DOCK7: variants seen among roughly 807,000 people sequenced by gnomAD.
The protein encoded by DOCK7 is dedicator of cytokinesis 7.
A neutral mutation model predicts 271.0 loss-of-function variants in DOCK7; 138 were observed. That is an observed-to-expected ratio of 0.51 (90% CI 0.44 to 0.59). DOCK7 has a LOEUF of 0.59. Ranked by LOEUF, DOCK7 falls within the 20% of genes least tolerant of loss-of-function variation. The pLI, the probability that DOCK7 is intolerant of heterozygous loss-of-function variation, is 0.00. For missense variants in DOCK7, 2,066 were observed against 2,592.4 expected, an observed-to-expected ratio of 0.80 and a Z score of 4.41; for synonymous variants, 823 against 876.1, an observed-to-expected ratio of 0.94 and a Z score of 1.07.
intron 8 of DOCK7, among the ~76,000 whole-genome samples, chr1:62,635,934 T>C (rs1229092576): frequency 6.6e-6 from 1 of 152,132 alleles, no homozygotes; most frequent in African/African-American, 2.4e-5. Flanking sequence ...AAGTTTCTAC[T>C]ACATATTAGT....
At chr1:62,653,878 G>A (rs533432047) in intron 3 of DOCK7, 85 bp from the exon 4 acceptor site, 64 of 1,478,346 alleles carry the variant, frequency 4.3e-5, no homozygotes, top group South Asian at 7.1e-5. Context: ...CGCTGTTTGC[G>A]TAACAGGAAA....
intron 30 of DOCK7, among the ~76,000 whole-genome samples, chr1:62,528,936 G>A (rs1645094219): frequency 6.6e-6 from 1 of 152,074 alleles, no homozygotes; most frequent in African/African-American, 2.4e-5. Flanking sequence ...TTATATATAT[G>A]AATCAAGTCA....
rs1250165118 is a variant in DOCK7 at position 62,475,795 on chromosome 1, T to C, written c.5873A>G (p.His1958Arg). 3 of 1,613,968 alleles carry C rather than the reference T, an allele frequency of 1.9e-6. No homozygotes were observed. Among genetic ancestry groups the C allele is most frequent in the Non-Finnish European group, 2.5e-6 (3 of 1,179,954 alleles). The change falls in exon 46 of 50, where the codon CAT becomes CGT. Residue 1958 changes from histidine to arginine, a missense_variant. This residue lies in a region of DOCK7 where 652 missense variants were observed against 922.1 expected (regional missense o/e 0.71). Coordinates refer to ENST00000635253, the MANE Select transcript of DOCK7 (RefSeq NM_001367561.1). ...AATGGTCTTCCTTTTGAATTGTTCA[T>C]GAAGTTCCCCATGGGCACGGCCATC... ...TLDGRAHGEL[H>R]EQFKRKTILT...
intron 2 of DOCK7, among the ~76,000 whole-genome samples, chr1:62,654,480 C>A (rs1409901483): frequency 1.3e-5 from 2 of 151,762 alleles, no homozygotes; most frequent in African/African-American, 4.8e-5. Context: ...ATTATTTTTG[C>A]TTTTTTATAT....
At chr1:62,535,192 C>T (rs915830164) in intron 29 of DOCK7, among the ~76,000 whole-genome samples, 4 of 152,120 alleles carry the variant, frequency 2.6e-5, no homozygotes, top group Admixed American at 2.0e-4. Context: ...AATCTATCTA[C>T]TAATATGCAT....
intron 16 of DOCK7, among the ~76,000 whole-genome samples, 167 bp from the exon 17 acceptor site, chr1:62,579,133 C>T (rs1431525629): frequency 1.3e-5 from 2 of 151,946 alleles, no homozygotes; most frequent in East Asian, 3.8e-4. Context: ...ATCTTACTTC[C>T]ATATAAGAGA....
intron 4 of DOCK7, among the ~76,000 whole-genome samples, chr1:62,650,915 T>C (rs1298606438): frequency 6.6e-6 from 1 of 152,130 alleles, no homozygotes. Flanking sequence ...GAACTAGAAA[T>C]ACTATTTGAC....
Position 62,654,080 on chromosome 1 carries a change from G to C in DOCK7, c.224C>G (p.Pro75Arg). 6.2e-7 allele frequency: 1 copy of C among 1,613,932 alleles called. No homozygotes were observed. The highest frequency in any genetic ancestry group is 8.5e-7 in the Non-Finnish European group (1 of 1,179,928). The change falls in exon 3 of 50, where the codon CCT (proline) becomes CGT (arginine). Residue 75 changes from proline (P) to arginine (R), a missense_variant. Coordinates refer to ENST00000635253, the MANE Select transcript of DOCK7 (RefSeq NM_001367561.1). The part of the protein sequence containing the change: ...ITHPLAVDSG[P>R]LRDLIEFPPD... ...AGGAAATTCAATCAAATCCCGTAAA[G>C]GCCCAGAATCCACAGCCAAAGGATG...
At chr1:62,672,587 A>C (rs1051962228) in intron 1 of DOCK7, among the ~76,000 whole-genome samples, 2 of 152,096 alleles carry the variant, frequency 1.3e-5, no homozygotes, top group Admixed American at 6.5e-5. Flanking sequence ...CCTTTAAACT[A>C]TTTCCAGTTT....
At chr1:62,664,641 T>C (rs1226906700) in intron 1 of DOCK7, among the ~76,000 whole-genome samples, 1 of 152,156 alleles carries the variant, frequency 6.6e-6, no homozygotes. Flanking sequence ...GCTCATCAAT[T>C]ATAACAAATG....
chr1:62,469,469 T>C (rs981179398), intron 48 of DOCK7, among the ~76,000 whole-genome samples: 2 of 152,090 alleles, frequency 1.3e-5, no homozygotes, highest in African/African-American at 2.4e-5. Context: ...AACTAGAAGA[T>C]AGCATTGGAA....
intron 7 of DOCK7, chr1:62,641,427 C>CAAAGCA: frequency 2.5e-6 from 1 of 402,088 alleles, no homozygotes; most frequent in South Asian, 1.8e-5. Context: ...TTGAGGTGGT[C>CAAAGCA]CAAAGCAGCC....
intron 1 of DOCK7, among the ~76,000 whole-genome samples, chr1:62,684,745 G>A (rs1661544992): frequency 6.6e-6 from 1 of 152,182 alleles, no homozygotes; most frequent in African/African-American, 2.4e-5. Context: ...GGACACACAT[G>A]TACAAAGACA....
In DOCK7 at chr1:62,639,594, C is replaced by T. The variant is rs139924819; in HGVS notation, c.819-2991G>A. On this transcript the variant is annotated intron_variant, in intron 7 of 49. Coordinates refer to ENST00000635253, the MANE Select transcript of DOCK7 (RefSeq NM_001367561.1). Reference sequence around the variant, plus strand: ...GGATTACAGGCGCATGCCACCACACCCAGCCAATTTTTTGTATTTTTAGTA... The same window carrying T: ...GGATTACAGGCGCATGCCACCACACTCAGCCAATTTTTTGTATTTTTAGTA... 5.1e-4 allele frequency among the ~76,000 whole-genome samples: 78 copies of T among 151,930 alleles called. 1 individual carries two copies. The East Asian group carries it at 0.013, about 26-fold the overall frequency.
chr1:62,485,839 G>A (rs777486665), intron 43 of DOCK7: 8 of 348,334 alleles, frequency 2.3e-5, no homozygotes, highest in Non-Finnish European at 2.8e-5. Context: ...AAAAACAAAC[G>A]TGCAACAAAT....
chr1:62,634,208 T>C (rs572624665), intron 9 of DOCK7, among the ~76,000 whole-genome samples: 2 of 152,162 alleles, frequency 1.3e-5, no homozygotes, highest in East Asian at 3.9e-4. Context: ...GTAAAGGATC[T>C]ATATACACTG....
intron 31 of DOCK7, among the ~76,000 whole-genome samples, chr1:62,515,184 G>A (rs1557653496): frequency 6.7e-6 from 1 of 149,948 alleles, no homozygotes; most frequent in African/African-American, 2.4e-5. Context: ...TGTAATAAGA[G>A]GCGGGACAAC....
intron 22 of DOCK7, among the ~76,000 whole-genome samples, chr1:62,552,235 C>T (rs1258552437): frequency 2.0e-5 from 3 of 152,168 alleles, no homozygotes; most frequent in East Asian, 3.9e-4. Context: ...GGGAAGCGTT[C>T]TCTTTTCGCA....
At chr1:62,513,255 G>T (rs1029602588) in intron 33 of DOCK7, among the ~76,000 whole-genome samples, 189 bp downstream of exon 33, 3 of 28,924 alleles carry the variant, frequency 1.0e-4, no homozygotes, top group Non-Finnish European at 1.8e-4. Context: ...AGAGAAAACG[G>T]GGGGGGGGGG....
Sources: gnomAD v4.1 joint callset for allele counts (sites outside exome capture counted in the v4.1 genomes callset) on GRCh38, gnomAD v4.1.1 for gene constraint, gnomAD v4.1.1 regional missense constraint, MANE v1.5 for transcripts, NCBI Gene and HGNC (gene_info 2026-07-23, HGNC 2026-07-21) for gene names.